The following INPP5D variants were observed in gnomAD, a reference collection of about 807,000 sequenced individuals.
INPP5D encodes the protein inositol polyphosphate-5-phosphatase D.
Under a neutral mutation model 122.9 loss-of-function variants are expected in INPP5D, and 33 were observed. The observed-to-expected ratio is 0.27, with a 90% CI of 0.20 to 0.36. INPP5D has a LOEUF of 0.36. Ranked by LOEUF, INPP5D falls within the 10% of genes least tolerant of loss-of-function variation. The pLI is 1.00. For synonymous variants in INPP5D, 584 were observed against 576.2 expected (o/e 1.01, Z -0.19); for missense variants, 1,053 against 1,412.7 (o/e 0.75, Z 4.08).
In INPP5D at chr2:233,146,087, G is replaced by A. The variant is rs150296286; in HGVS notation, c.754-75G>A. 4.1e-4 allele frequency: 287 copies of A among 704,080 alleles called. No homozygotes were observed. In the African/African-American group the frequency reaches 4.3e-3, roughly 11 times the overall value. The allele number at this position is 704,080 out of a possible 1,614,324, so 43.6% of individuals were successfully genotyped here. On this transcript the variant is annotated intron_variant, in intron 6 of 26. Coordinates refer to ENST00000445964, the MANE Select transcript of INPP5D (RefSeq NM_001017915.3). ...AGGCTGGAATGGGGTGAGGTGCAGA[G>A]AGAACCCAGAGCATTGCCTCTCGAT...
At chr2:233,196,383 G>C (rs1012465887) in intron 24 of INPP5D, among the ~76,000 whole-genome samples, 2 of 152,196 alleles carry the variant, frequency 1.3e-5, no homozygotes, top group Non-Finnish European at 2.9e-5. Flanking sequence ...TCCAGTTCTA[G>C]AGAAATCAAG....
At chr2:233,118,219 C>T (rs1385561268) in intron 2 of INPP5D, among the ~76,000 whole-genome samples, 2 of 152,178 alleles carry the variant, frequency 1.3e-5, no homozygotes, top group Non-Finnish European at 2.9e-5. Context: ...CACGGTTGCC[C>T]TTCAAACAGA....
In INPP5D at chr2:233,206,872, G is replaced by T; in HGVS notation, c.*164G>T. 1.6e-6 allele frequency: 1 copy of T among 636,324 alleles called. No individual in the cohort carries two copies. The highest frequency in any genetic ancestry group is 1.7e-5 in the South Asian group (1 of 59,140). 39.4% of individuals were successfully genotyped at this position (636,324 alleles called of 1,614,324 possible). On this transcript the variant is annotated 3_prime_UTR_variant, in exon 27 of 27. Coordinates refer to ENST00000445964, the MANE Select transcript of INPP5D (RefSeq NM_001017915.3). This position sits in a 1 kb window ranked among gnomAD's most constrained non-coding sequence, Gnocchi z 4.0. ...TTCTGTGTGGCCCACAGAGTTCACTGCCTGTGAGACTTAGCACCAAGTGCT... is the reference window on the plus strand; with the variant it reads ...TTCTGTGTGGCCCACAGAGTTCACTTCCTGTGAGACTTAGCACCAAGTGCT...
rs202024670 is a variant in INPP5D at position 233,122,808 on chromosome 2, G to GA, written c.349+560dup. Among the ~76,000 whole-genome samples the GA allele has an allele frequency of 3.3e-3, 492 of 149,732 alleles. 2 individuals are homozygous for GA. The highest frequency in any genetic ancestry group is 9.7e-3 in the African/African-American group (397 of 40,836). Reference sequence around the variant, plus strand: ...GGTGACAGAAAGAGACCTTGTCTAAGAAAAAAAAAGAGAGAGAGAGAAAGA... The same window carrying GA: ...GGTGACAGAAAGAGACCTTGTCTAAGAAAAAAAAAAGAGAGAGAGAGAAAGA... On this transcript the variant is annotated intron_variant, in intron 3 of 26. Coordinates refer to ENST00000445964, the MANE Select transcript of INPP5D (RefSeq NM_001017915.3).
chr2:233,086,190 C>CTTTCTT (rs1691842930), intron 2 of INPP5D, among the ~76,000 whole-genome samples: 1 of 28,840 alleles, frequency 3.5e-5, no homozygotes, highest in Non-Finnish European at 8.6e-5. Flanking sequence ...TCTTTCTTTC[C>CTTTCTT]TTTTTGAGAC....
chr2:233,184,752 C>T (rs1040437969), intron 20 of INPP5D, among the ~76,000 whole-genome samples: 3 of 152,176 alleles, frequency 2.0e-5, no homozygotes, highest in Non-Finnish European at 4.4e-5. Flanking sequence ...ATGTACTGAC[C>T]CCCCAGTCCC....
chr2:233,198,202 C>T lies in INPP5D; in HGVS notation c.2801C>T (p.Ser934Phe). ...PMPLHVKQTL[S>F]PDQQPTAWSY... ...CCCCTGCACGTGAAGCAGACCTTGTCCCCTGACCAGCAGCCCACAGCCTGG... is the reference window on the plus strand; with the variant it reads ...CCCCTGCACGTGAAGCAGACCTTGTTCCCTGACCAGCAGCCCACAGCCTGG... The change falls in exon 25 of 27, where the codon TCC (serine) becomes TTC (phenylalanine). Residue 934 changes from serine to phenylalanine, a missense_variant. Ser to Phe is a radical substitution (Grantham distance 155, BLOSUM62 -2). Around this residue, in one of 6 missense-constraint regions of INPP5D, gnomAD observed 417 missense variants for 425.8 expected, o/e 0.98. Transcript: ENST00000445964. 1.2e-6 allele frequency: 2 copies of T among 1,613,684 alleles called. No individual in the cohort carries two copies. The highest frequency in any genetic ancestry group is 1.7e-6 in the Non-Finnish European group (2 of 1,179,896).
chr2:233,184,572 A>C (rs1399475732), intron 20 of INPP5D, 51 bp downstream of exon 20: 139 of 1,603,904 alleles, frequency 8.7e-5, no homozygotes, highest in Non-Finnish European at 1.0e-5. Context: ...GAGCCTTCTT[A>C]TAAACACCTT....
chr2:233,147,491 G>C lies in INPP5D; in HGVS notation c.927G>C (p.Gly309=). The change falls in exon 9 of 27, where the codon GGG becomes GGC. Residue 309 remains glycine (G), a synonymous_variant. Transcript: ENST00000445964. ...CTAAGGTGAAGGCAGAGTCTCTGGG[G>C]ATTCCTCAGAAAATGCAGCTCAAAG... is the stretch of plus-strand genomic sequence containing the variant. ...VTFEVKAESL[G]IPQKMQLKVD... is the part of the protein sequence containing the mutation. The C allele has an allele frequency of 1.4e-6, 1 of 704,280 alleles. No individual in the cohort carries two copies. The highest frequency in any genetic ancestry group is 2.6e-6 in the Non-Finnish European group (1 of 385,006). 43.6% of individuals were successfully genotyped at this position (704,280 alleles called of 1,614,324 possible).
At chr2:233,169,706 C>T in intron 14 of INPP5D, 1 of 572,190 alleles carries the variant, frequency 1.7e-6, no homozygotes, top group Non-Finnish European at 3.0e-6. Flanking sequence ...CAAATCCAAG[C>T]TGATCTTGCC....
At chr2:233,194,745 G>A (rs1424852710) in intron 23 of INPP5D, among the ~76,000 whole-genome samples, 1 of 151,944 alleles carries the variant, frequency 6.6e-6, no homozygotes, top group African/African-American at 2.4e-5. Flanking sequence ...TGATCCACCT[G>A]TCTCCGCCTC....
intron 9 of INPP5D, among the ~76,000 whole-genome samples, chr2:233,149,273 T>G (rs1010863188): frequency 2.6e-5 from 4 of 152,020 alleles, no homozygotes; most frequent in Non-Finnish European, 4.4e-5. Flanking sequence ...AGCTATTTTT[T>G]TATTTTTAGT....
At chr2:233,103,313 G>C (rs754755548) in intron 2 of INPP5D, among the ~76,000 whole-genome samples, 1 of 152,148 alleles carries the variant, frequency 6.6e-6, no homozygotes, top group Non-Finnish European at 1.5e-5. Flanking sequence ...GAAGTTGCTG[G>C]GTCATAGCAT....
intron 1 of INPP5D, among the ~76,000 whole-genome samples, chr2:233,063,959 C>T (rs924855156): frequency 2.3e-4 from 35 of 152,392 alleles, no homozygotes; most frequent in Admixed American, 6.5e-4. Context: ...TCTCCTGCCA[C>T]GCAGGGGCCA....
intron 8 of INPP5D, among the ~76,000 whole-genome samples, 177 bp downstream of exon 8, chr2:233,146,615 A>G (rs1178986448): frequency 3.3e-5 from 5 of 152,242 alleles, no homozygotes; most frequent in Non-Finnish European, 7.3e-5. Flanking sequence ...TCAACGTCAG[A>G]ACGGGCACCC....
intron 10 of INPP5D, among the ~76,000 whole-genome samples, chr2:233,159,568 C>A (rs1694146752): frequency 6.7e-6 from 1 of 149,988 alleles, no homozygotes; most frequent in Non-Finnish European, 1.5e-5. Context: ...GTGGCATGAG[C>A]CTGTAGTTTC....
chr2:233,165,398 ATG>A (rs905638000), intron 13 of INPP5D, among the ~76,000 whole-genome samples: 10 of 147,432 alleles, frequency 6.8e-5, no homozygotes, highest in Non-Finnish European at 1.3e-4. Flanking sequence ...GTGTGTGTTT[ATG>A]TGAGTCTACA....
At chr2:233,173,545 G>T (rs1163534014) in intron 17 of INPP5D, among the ~76,000 whole-genome samples, 1 of 152,050 alleles carries the variant, frequency 6.6e-6, no homozygotes, top group African/African-American at 2.4e-5. Context: ...CAGCTGTACA[G>T]AAATATTTTA....
intron 18 of INPP5D, among the ~76,000 whole-genome samples, 177 bp from the exon 19 acceptor site, chr2:233,182,233 C>A (rs1051329566): frequency 3.3e-5 from 5 of 152,200 alleles, no homozygotes; most frequent in African/African-American, 9.7e-5. Flanking sequence ...GAGGCAGTGT[C>A]CACACTGTCT....
Sources: allele counts gnomAD v4.1 joint callset (sites outside exome capture counted in the v4.1 genomes callset), GRCh38; gene constraint gnomAD v4.1.1; regional missense constraint gnomAD v4.1.1; non-coding constraint Gnocchi (gnomAD v3.1); transcripts MANE v1.5; gene names NCBI Gene and HGNC (gene_info 2026-07-23, HGNC 2026-07-21).